Variants in CD163L1 observed in about 807,000 individuals in gnomAD.
CD163L1 encodes the protein CD163 molecule like 1, also known as scavenger receptor cysteine-rich type 1 protein M160.
A neutral mutation model predicts 165.4 loss-of-function variants in CD163L1; 124 were observed. That is an observed-to-expected ratio of 0.75 (90% CI 0.65 to 0.87). CD163L1 has a LOEUF of 0.87. CD163L1 is among the 40% of genes least tolerant of loss of function. The pLI is 0.00. For missense variants in CD163L1, 1,525 were observed against 1,799.9 expected (o/e 0.85, Z 2.76); for synonymous variants, 585 against 662.2 (o/e 0.88, Z 1.79).
chr12:7,353,428 G>A (rs900631128), downstream of CD163L1, among the ~76,000 whole-genome samples: 2 of 150,146 alleles, frequency 1.3e-5, no homozygotes, highest in African/African-American at 4.8e-5. Flanking sequence ...ATAATCCAAT[G>A]AAACTTAAGG....
At chr12:7,401,036 G>T (rs1337022504) in intron 6 of CD163L1, among the ~76,000 whole-genome samples, 3 of 152,150 alleles carry the variant, frequency 2.0e-5, no homozygotes, top group African/African-American at 2.4e-5. Context: ...GCTGTCATTT[G>T]TTATCAAGGA....
chr12:7,382,147 GT>G (rs1272884162), intron 8 of CD163L1, among the ~76,000 whole-genome samples: 1 of 151,492 alleles, frequency 6.6e-6, no homozygotes, highest in East Asian at 1.9e-4. Flanking sequence ...AAAGTCTGTA[GT>G]TTACAATACA....
At chr12:7,384,516 C>T (rs770716543) in intron 8 of CD163L1, among the ~76,000 whole-genome samples, 3 of 151,860 alleles carry the variant, frequency 2.0e-5, no homozygotes, top group Non-Finnish European at 2.9e-5. Context: ...TGTGAAAAGC[C>T]CAAGATAAAA....
At chr12:7,355,821 C>A (rs976726766) in intron 19 of CD163L1, among the ~76,000 whole-genome samples, 1 of 152,088 alleles carries the variant, frequency 6.6e-6, no homozygotes, top group Non-Finnish European at 1.5e-5. Flanking sequence ...AAGAAGATGA[C>A]TGCCTGCAAG....
rs201125283 is a variant in CD163L1, at chr12:7,398,398, T to C, written c.1595A>G (p.Lys532Arg). 40 of 1,614,170 alleles carry C rather than the reference T, an allele frequency of 2.5e-5. No homozygotes were observed. In the Admixed American group the frequency reaches 5.0e-4, roughly 20 times the overall value. The change falls in exon 7 of 20, where the codon AAA becomes AGA. Residue 532 changes from lysine to arginine, a missense_variant. Transcript: ENST00000313599. The surrounding 1 kb of genome is among the most constrained non-coding windows in gnomAD (Gnocchi z 4.5). The stretch of plus-strand genomic sequence containing the variant: ...CAGCCAAATAGGTCCTGATGCTTCT[T>C]TAAAATAGGTCATACCAAACACATG... Reference protein sequence around the residue: ...PLHVFGMTYFKEASGPIWLDD... With the variant: ...PLHVFGMTYFREASGPIWLDD...
At chr12:7,345,507 A>T (rs2136359298), downstream of CD163L1, among the ~76,000 whole-genome samples, 1 of 152,344 alleles carries the variant, frequency 6.6e-6, no homozygotes, top group East Asian at 1.9e-4. Flanking sequence ...CACTTTGGTC[A>T]CAACCATTTA....
rs1018184536 is a variant in CD163L1, at chr12:7,400,018, A to G, written c.1409-1434T>C. The stretch of plus-strand genomic sequence containing the variant: ...TGCTATCCAGTATGACAACTCTTCC[A>G]TGTGTATATAATAATCTTACATTCT... On this transcript the variant is annotated intron_variant, in intron 6 of 19. Coordinates refer to ENST00000313599, the MANE Select transcript of CD163L1 (RefSeq NM_174941.6). This position sits in a 1 kb window ranked among gnomAD's most constrained non-coding sequence, Gnocchi z 4.1. Among the ~76,000 whole-genome samples the G allele has an allele frequency of 6.6e-6, 1 of 152,226 alleles. No homozygotes were observed. Among genetic ancestry groups the G allele is most frequent in the African/African-American group, 2.4e-5 (1 of 41,450 alleles).
intron 8 of CD163L1, among the ~76,000 whole-genome samples, chr12:7,379,918 T>C (rs1419504060): frequency 6.7e-6 from 1 of 150,024 alleles, no homozygotes; most frequent in Non-Finnish European, 1.5e-5. Flanking sequence ...ATCAGGAAAA[T>C]GCAAATCAAA....
chr12:7,399,330 C>A (rs924497522), intron 6 of CD163L1, among the ~76,000 whole-genome samples: 1 of 130,766 alleles, frequency 7.6e-6, no homozygotes, highest in Non-Finnish European at 1.7e-5. Context: ...TCTCTCTCTT[C>A]TTTCATTCTC....
chr12:7,340,989 G>A, the CD163L1 span, among the ~76,000 whole-genome samples: 1 of 152,082 alleles, frequency 6.6e-6, no homozygotes, highest in South Asian at 2.1e-4. Flanking sequence ...TAGTTCTTTG[G>A]ACCATCAAAT....
chr12:7,400,439 T>C lies in CD163L1; in HGVS notation c.1409-1855A>G, dbSNP rs1947894416. Among the ~76,000 whole-genome samples the C allele has an allele frequency of 6.6e-6, 1 of 152,210 alleles. No homozygotes were observed. Among genetic ancestry groups the C allele is most frequent in the Non-Finnish European group, 1.5e-5 (1 of 68,036 alleles). ...ACAAATATATAAATGAAGTAGTGTATCCTGTTCTAGTATAGGATAACTGGA... is the reference window on the plus strand; with the variant it reads ...ACAAATATATAAATGAAGTAGTGTACCCTGTTCTAGTATAGGATAACTGGA... On this transcript the variant is annotated intron_variant, in intron 6 of 19. Coordinates refer to ENST00000313599, the MANE Select transcript of CD163L1 (RefSeq NM_174941.6). This position sits in a 1 kb window ranked among gnomAD's most constrained non-coding sequence, Gnocchi z 4.1.
At position 7,432,953 on chromosome 12, in the gene CD163L1, A is replaced by G. The variant is rs1391739288; in HGVS notation, c.446-217T>C. ...CTAGGTGAAAAAATCAATCATTAGCATGATATTCTTTATCATTTTGCTTTA... is the reference window on the plus strand; with the variant it reads ...CTAGGTGAAAAAATCAATCATTAGCGTGATATTCTTTATCATTTTGCTTTA... On this transcript the variant is annotated intron_variant, in intron 3 of 19. Coordinates refer to ENST00000313599, the MANE Select transcript of CD163L1 (RefSeq NM_174941.6). This position sits in a 1 kb window ranked among gnomAD's most constrained non-coding sequence, Gnocchi z 4.2. Among the ~76,000 whole-genome samples, 1 of 152,184 alleles carries G rather than the reference A, an allele frequency of 6.6e-6. No homozygotes were observed. Among genetic ancestry groups the G allele is most frequent in the Non-Finnish European group, 1.5e-5 (1 of 68,036 alleles).
chr12:7,396,093 A>C lies in CD163L1; in HGVS notation c.2050+2T>G, dbSNP rs777832045. 6.2e-7 allele frequency: 1 copy of C among 1,608,758 alleles called. No homozygotes were observed. Among genetic ancestry groups the C allele is most frequent in the Non-Finnish European group, 8.5e-7 (1 of 1,177,122 alleles). On this transcript the variant is annotated splice_donor_variant, in intron 8 of 19. Coordinates refer to ENST00000313599, the MANE Select transcript of CD163L1 (RefSeq NM_174941.6). LOFTEE classifies it high-confidence loss of function. ...AAGGAAGCCCTGGTTTGGGTATCTT[A>C]CCAGAACAGATCACTCCAACATCTT...
chr12:7,420,800 G>T (rs1233710005), intron 4 of CD163L1, among the ~76,000 whole-genome samples: 2 of 151,556 alleles, frequency 1.3e-5, no homozygotes, highest in African/African-American at 2.4e-5. Flanking sequence ...ATTCCTTAAA[G>T]AACTAAAAGT....
intron 19 of CD163L1, among the ~76,000 whole-genome samples, chr12:7,355,706 T>C (rs1185144786): frequency 6.6e-6 from 1 of 152,092 alleles, no homozygotes; most frequent in East Asian, 1.9e-4. Context: ...TAAGGTAAAA[T>C]GAGGTCACAT....
chr12:7,421,036 C>CGTGTATATATATACATATATATATATAT (rs1948346658), intron 4 of CD163L1, among the ~76,000 whole-genome samples: 2 of 61,674 alleles, frequency 3.2e-5, no homozygotes, highest in African/African-American at 1.6e-4. Flanking sequence ...TATATATATA[C>CGTGTATATATATACATATATATATATAT]GTGTATATAT....
the CD163L1 span, chr12:7,324,200 A>G: frequency 3.9e-6 from 6 of 1,550,836 alleles, no homozygotes; most frequent in African/African-American, 1.4e-5. Context: ...GTAATGTACT[A>G]GTCACTTAAT....
chr12:7,367,411 G>A (rs1565774425), intron 17 of CD163L1, 80 bp from the exon 18 acceptor site: 1 of 829,892 alleles, frequency 1.2e-6, no homozygotes, highest in Non-Finnish European at 2.0e-6. Context: ...GCTAAGGTTT[G>A]ACACATATTA....
intron 4 of CD163L1, among the ~76,000 whole-genome samples, chr12:7,427,254 T>C (rs1948560323): frequency 6.6e-6 from 1 of 152,126 alleles, no homozygotes; most frequent in African/African-American, 2.4e-5. Flanking sequence ...TAGCTTCTTT[T>C]AAAGGGCATC....
Sources: allele counts gnomAD v4.1 joint callset (sites outside exome capture counted in the v4.1 genomes callset), GRCh38; gene constraint gnomAD v4.1.1; non-coding constraint Gnocchi (gnomAD v3.1); transcripts MANE v1.5; gene names NCBI Gene and HGNC (gene_info 2026-07-23, HGNC 2026-07-21).